Variants in SLC41A1 observed in about 807,000 individuals in gnomAD.
SLC41A1 encodes the protein solute carrier family 41 (magnesium transporter), member 1.
Under a neutral mutation model 47.3 loss-of-function variants are expected in SLC41A1, and 20 were observed. The observed-to-expected ratio is 0.42, with a 90% CI of 0.30 to 0.61. The LOEUF is 0.61. Among genes scored for constraint, SLC41A1 ranks in the 20% least tolerant of loss-of-function variants. The probability of loss-of-function intolerance (pLI) is 0.17; values close to 1 mark genes in which losing one functional copy is unlikely to be tolerated. For missense variants in SLC41A1, 504 were observed against 674.1 expected (o/e 0.75, Z 2.79); for synonymous variants, 282 against 272.7 (o/e 1.03, Z -0.34).
chr1:205,794,847 C>T (rs1434047866), intron 10 of SLC41A1, 23 bp downstream of exon 10: 4 of 1,613,224 alleles, frequency 2.5e-6, no homozygotes, highest in Admixed American at 3.3e-5. Flanking sequence ...CCTTCCCATG[C>T]CCCTGCTCCT....
At position 205,795,465 on chromosome 1, in the gene SLC41A1, A is replaced by G; in HGVS notation, c.1086T>C (p.Asn362=). The change falls in exon 9 of 11, where the codon AAT becomes AAC. Residue 362 remains asparagine (N), a synonymous_variant. Transcript: ENST00000367137. ...TGCGGCTGGCCTGCACTGCCACCAG[A>G]TTGCCCCCAACACCTGCAGAGACAC... The part of the protein sequence containing the change: ...FTPVINGVGG[N]LVAVQASRIS... 1 of 1,614,204 alleles carries G rather than the reference A, an allele frequency of 6.2e-7. No individual in the cohort carries two copies. Among genetic ancestry groups the G allele is most frequent in the Non-Finnish European group, 8.5e-7 (1 of 1,180,030 alleles).
At chr1:205,795,299 A>G in intron 9 of SLC41A1, 45 bp downstream of exon 9, 1 of 1,613,914 alleles carries the variant, frequency 6.2e-7, no homozygotes, top group Non-Finnish European at 8.5e-7. Context: ...CACTGACAGT[A>G]GGCCCACTCC....
At chr1:205,798,838 G>A (rs768934081) in intron 5 of SLC41A1, 23 bp from the exon 6 acceptor site, 3 of 1,614,152 alleles carry the variant, frequency 1.9e-6, no homozygotes, top group Non-Finnish European at 1.7e-6. Context: ...TGGGAGGAGG[G>A]GCAGGCAGGG....
chr1:205,798,620 C>T (rs888420102), intron 6 of SLC41A1, 49 bp downstream of exon 6: 4 of 1,614,006 alleles, frequency 2.5e-6, no homozygotes, highest in Non-Finnish European at 3.4e-6. Flanking sequence ...ACTACCATCT[C>T]TCCCAACCCC....
intron 2 of SLC41A1, among the ~76,000 whole-genome samples, chr1:205,807,650 CTTTTTTTTTT>C (rs71152452): frequency 2.0e-5 from 2 of 98,512 alleles, no homozygotes; most frequent in Admixed American, 1.4e-4. Flanking sequence ...CTCGTAGAGT[CTTTTTTTTTT>C]TTTTTTTTTT....
chr1:205,810,708 C>A lies in SLC41A1; in HGVS notation c.-267G>T. 1.8e-6 allele frequency: 1 copy of A among 542,232 alleles called. No homozygotes were observed. 33.6% of individuals were successfully genotyped at this position (542,232 alleles called of 1,614,324 possible). On this transcript the variant is annotated 5_prime_UTR_variant, in exon 2 of 11. Coordinates refer to ENST00000367137, the MANE Select transcript of SLC41A1 (RefSeq NM_173854.6). The surrounding 1 kb of genome is among the most constrained non-coding windows in gnomAD (Gnocchi z 5.5). ...TAGGGGTGCAGATGCCTGACTCCAA[C>A]CCACCAGCTCTGTGCTTGAAGAAAA...
Position 205,810,824 on chromosome 1 carries a change from G to T in SLC41A1, c.-383C>A, listed in dbSNP as rs919671359. ...GTAGAAGAGCTCAACCAAATTCTGG[G>T]GTGCCCTCTGAAGTGGCCCCTCTTC... On this transcript the variant is annotated 5_prime_UTR_variant, in exon 2 of 11. Coordinates refer to ENST00000367137, the MANE Select transcript of SLC41A1 (RefSeq NM_173854.6). The surrounding 1 kb of genome is among the most constrained non-coding windows in gnomAD (Gnocchi z 5.5). The T allele has an allele frequency of 3.7e-6, 1 of 267,848 alleles. No individual in the cohort carries two copies. The highest frequency in any genetic ancestry group is 2.2e-5 in the African/African-American group (1 of 45,038). The allele number at this position is 267,848 out of a possible 1,614,324, so 16.6% of individuals were successfully genotyped here. A position where few individuals can be genotyped will look rare whatever the true frequency, so the allele number is the denominator to read the frequency against.
chr1:205,807,415 G>T (rs1178092467), intron 2 of SLC41A1, among the ~76,000 whole-genome samples: 3 of 152,126 alleles, frequency 2.0e-5, no homozygotes, highest in Non-Finnish European at 4.4e-5. Flanking sequence ...TCCCTACCCA[G>T]GCCTCTCAAT....
intron 1 of SLC41A1, among the ~76,000 whole-genome samples, chr1:205,812,580 C>A (rs1014175897): frequency 1.3e-5 from 2 of 152,248 alleles, no homozygotes; most frequent in Admixed American, 6.5e-5. Context: ...TCAGACAGGC[C>A]TAAGGCCCTG....
chr1:205,802,302 C>T (rs576542821), intron 2 of SLC41A1, among the ~76,000 whole-genome samples: 32 of 152,276 alleles, frequency 2.1e-4, no homozygotes, highest in African/African-American at 6.5e-4. Flanking sequence ...CACCTCCTCA[C>T]GTAGACCGGC....
rs199729445 is a variant in SLC41A1, at chr1:205,791,523, A to G, written c.*10T>C. Reference sequence around the variant, plus strand: ...GTGCAGAGGGATGGGGAAAATGTTGAGTGACCAAGCTAGTCCCCGACATCC... The same window carrying G: ...GTGCAGAGGGATGGGGAAAATGTTGGGTGACCAAGCTAGTCCCCGACATCC... On this transcript the variant is annotated 3_prime_UTR_variant, in exon 11 of 11. Transcript: ENST00000367137. The surrounding 1 kb of genome is among the most constrained non-coding windows in gnomAD (Gnocchi z 4.0). 2.5e-6 allele frequency: 4 copies of G among 1,614,140 alleles called. No homozygotes were observed. The Admixed American group carries it at 5.0e-5, about 20-fold the overall frequency.
intron 5 of SLC41A1, 23 bp downstream of exon 5, chr1:205,798,934 C>A: frequency 6.2e-7 from 1 of 1,614,150 alleles, no homozygotes; most frequent in Non-Finnish European, 8.5e-7. Flanking sequence ...ACTCCTTACT[C>A]CTCTATGCCC....
At chr1:205,811,890 G>A (rs1466963238) in intron 1 of SLC41A1, among the ~76,000 whole-genome samples, 1 of 152,206 alleles carries the variant, frequency 6.6e-6, no homozygotes, top group African/African-American at 2.4e-5. Context: ...AGCATAAAAC[G>A]ATTGCTTATT....
intron 6 of SLC41A1, 68 bp from the exon 7 acceptor site, chr1:205,798,119 GC>G: frequency 1.9e-6 from 3 of 1,605,534 alleles, no homozygotes; most frequent in Non-Finnish European, 2.6e-6. Flanking sequence ...CCCTGGCTCA[GC>G]CTGAAAATGT....
chr1:205,806,638 C>T (rs1392754747), intron 2 of SLC41A1, among the ~76,000 whole-genome samples: 7 of 152,206 alleles, frequency 4.6e-5, no homozygotes, highest in Non-Finnish European at 8.8e-5. Context: ...CAACACCAGG[C>T]CCCAGCCTGC....
In SLC41A1 at chr1:205,789,250, G is replaced by A. The variant is rs1655558171; in HGVS notation, c.*2283C>T. The A allele has an allele frequency of 2.0e-5, 3 of 152,190 alleles. No individual in the cohort carries two copies. Among genetic ancestry groups the A allele is most frequent in the South Asian group, 4.1e-4 (2 of 4,828 alleles). The allele number at this position is 152,190 out of a possible 1,614,324, so 9.4% of individuals were successfully genotyped here. On this transcript the variant is annotated 3_prime_UTR_variant, in exon 11 of 11. Coordinates refer to ENST00000367137, the MANE Select transcript of SLC41A1 (RefSeq NM_173854.6). Reference sequence around the variant, plus strand: ...AACCAATATTGCTCCTTGCAGCCAGGCCAAAAGTACATGCAGTTGGTACAA... The same window carrying A: ...AACCAATATTGCTCCTTGCAGCCAGACCAAAAGTACATGCAGTTGGTACAA...
At chr1:205,807,204 CTGTGGTCCCATG>C in intron 2 of SLC41A1, among the ~76,000 whole-genome samples, 1 of 152,198 alleles carries the variant, frequency 6.6e-6, no homozygotes. Flanking sequence ...AACAATCTCC[CTGTGGTCCCATG>C]TCTCGGTCCC....
Position 205,794,896 on chromosome 1 carries a change from A to T in SLC41A1, c.1330T>A (p.Phe444Ile), listed in dbSNP as rs772193761. 76 of 1,613,916 alleles carry T rather than the reference A, an allele frequency of 4.7e-5. No homozygotes were observed. Among genetic ancestry groups the T allele is most frequent in the African/African-American group, 2.7e-5 (2 of 74,888 alleles). Residue 444 changes from phenylalanine (F) to isoleucine (I), a missense_variant, in exon 10 of 11, where the codon TTC becomes ATC. Coordinates refer to ENST00000367137, the MANE Select transcript of SLC41A1 (RefSeq NM_173854.6). ...HTTLTLIFII[F>I]YMTAALLQVL... ...TGGAGCAGTGCAGCTGTCATATAGA[A>T]GATGATGAAGATGAGTGTGAGGGTG...
At position 205,790,459 on chromosome 1, in the gene SLC41A1, T is replaced by C. The variant is rs984354495; in HGVS notation, c.*1074A>G. 6.6e-6 allele frequency: 1 copy of C among 152,212 alleles called. No individual in the cohort carries two copies. Among genetic ancestry groups the C allele is most frequent in the African/African-American group, 2.4e-5 (1 of 41,454 alleles). The allele number at this position is 152,212 out of a possible 1,614,324, so 9.4% of individuals were successfully genotyped here. On this transcript the variant is annotated 3_prime_UTR_variant, in exon 11 of 11. Transcript: ENST00000367137. ...CGAATAAATGATTGGTGAATGTTTGTGGGTAGAAGCCAAGAAAGAGGAAAA... is the reference window on the plus strand; with the variant it reads ...CGAATAAATGATTGGTGAATGTTTGCGGGTAGAAGCCAAGAAAGAGGAAAA...
Sources: allele counts gnomAD v4.1 joint callset (sites outside exome capture counted in the v4.1 genomes callset), GRCh38; gene constraint gnomAD v4.1.1; non-coding constraint Gnocchi (gnomAD v3.1); transcripts MANE v1.5; gene names NCBI Gene and HGNC (gene_info 2026-07-23, HGNC 2026-07-21).